Variants in EML6 observed in about 807,000 individuals in gnomAD.
EML6 encodes echinoderm microtubule-associated protein-like 6.
A neutral mutation model predicts 240.1 loss-of-function variants in EML6; 154 were observed. The observed-to-expected ratio is 0.64, with a 90% CI of 0.56 to 0.73. The LOEUF (loss-of-function observed/expected upper bound fraction) is 0.73. EML6 is among the 30% of genes least tolerant of loss of function. The pLI is 0.00. For missense variants in EML6, 2,964 were observed against 2,474.6 expected, an observed-to-expected ratio of 1.20 and a Z score of -4.20; for synonymous variants, 1,148 against 899.0, an observed-to-expected ratio of 1.28 and a Z score of -4.95.
At chr2:54,868,120 TTGA>T (rs1293032792) in intron 14 of EML6, 1 of 152,238 alleles carries the variant, frequency 6.6e-6, no homozygotes, top group African/African-American at 2.4e-5. Context: ...TGATTACATG[TTGA>T]TATAGTAATA....
chr2:54,866,985 G>T, intron 14 of EML6, 101 bp downstream of exon 14: 5 of 635,916 alleles, frequency 7.9e-6, no homozygotes, highest in South Asian at 6.2e-5. Context: ...CCTCAGTGTC[G>T]TCCTCCTCCT....
At chr2:54,819,724 G>A (rs930344696) in intron 4 of EML6, among the ~76,000 whole-genome samples, 6 of 96,014 alleles carry the variant, frequency 6.2e-5, no homozygotes, top group East Asian at 2.2e-4. Context: ...GCAGTGAGCC[G>A]AGATCACGCC....
intron 17 of EML6, 42 bp downstream of exon 17, chr2:54,879,682 C>T (rs1379534826): frequency 1.2e-5 from 14 of 1,153,718 alleles, no homozygotes; most frequent in Non-Finnish European, 1.7e-5. Flanking sequence ...GCTGATACCA[C>T]GGTTCAGTAA....
rs1668943824 is a variant in EML6 at position 54,783,489 on chromosome 2, A to G, written c.198-29743A>G. ...CTTTTCATATCTGGAACAAAGCTGTAGTTGATTTTAGATTTAAGGAAGTGA... is the reference window on the plus strand; with the variant it reads ...CTTTTCATATCTGGAACAAAGCTGTGGTTGATTTTAGATTTAAGGAAGTGA... On this transcript the variant is annotated intron_variant, in intron 2 of 41. Coordinates refer to ENST00000356458, the MANE Select transcript of EML6 (RefSeq NM_001039753.4). Among the ~76,000 whole-genome samples the G allele has an allele frequency of 2.0e-5, 3 of 152,198 alleles. No homozygotes were observed. The South Asian group carries it at 6.2e-4, about 32-fold the overall frequency.
At chr2:54,794,296 G>C (rs1669634317) in intron 2 of EML6, among the ~76,000 whole-genome samples, 1 of 152,076 alleles carries the variant, frequency 6.6e-6, no homozygotes, top group African/African-American at 2.4e-5. Flanking sequence ...TGTTAATGTA[G>C]GTCACTCAGA....
chr2:54,750,472 C>G (rs1247265781), intron 2 of EML6, among the ~76,000 whole-genome samples: 1 of 152,112 alleles, frequency 6.6e-6, no homozygotes, highest in African/African-American at 2.4e-5. Context: ...TCAAATTGGC[C>G]TAAGGAAACA....
intron 2 of EML6, among the ~76,000 whole-genome samples, chr2:54,762,060 G>A (rs929262425): frequency 6.6e-6 from 1 of 151,698 alleles, no homozygotes; most frequent in Non-Finnish European, 1.5e-5. Flanking sequence ...TTGCCTTTAG[G>A]GCAATTTTTT....
chr2:54,803,050 A>G (rs1212711656), intron 2 of EML6, among the ~76,000 whole-genome samples: 1 of 152,052 alleles, frequency 6.6e-6, no homozygotes, highest in Non-Finnish European at 1.5e-5. Context: ...CCAAACACCA[A>G]CTTGCTGGAT....
intron 39 of EML6, 59 bp from the exon 40 acceptor site, chr2:54,968,069 C>T: frequency 6.6e-7 from 1 of 1,504,164 alleles, no homozygotes; most frequent in Non-Finnish European, 9.0e-7. Flanking sequence ...TGATGACTGA[C>T]TGCAAGGAGC....
intron 16 of EML6, among the ~76,000 whole-genome samples, chr2:54,875,931 T>C (rs1057042140): frequency 6.6e-6 from 1 of 152,222 alleles, no homozygotes; most frequent in Non-Finnish European, 1.5e-5. Context: ...TAAGGGCACA[T>C]CTAAGACTTG....
intron 2 of EML6, among the ~76,000 whole-genome samples, chr2:54,749,625 AT>A (rs1279599699): frequency 3.9e-5 from 6 of 152,236 alleles, no homozygotes; most frequent in Admixed American, 3.9e-4. Flanking sequence ...TTTTGCATAC[AT>A]TACCTTATTT....
At chr2:54,922,925 G>C (rs896636375) in intron 26 of EML6, among the ~76,000 whole-genome samples, 1 of 147,726 alleles carries the variant, frequency 6.8e-6, no homozygotes. Flanking sequence ...TTGGTCAAAG[G>C]GTATAAACTT....
At chr2:54,789,532 A>G (rs990004904) in intron 2 of EML6, among the ~76,000 whole-genome samples, 29 of 143,420 alleles carry the variant, frequency 2.0e-4, no homozygotes, top group Admixed American at 6.7e-4. Context: ...AAAAAAAAAA[A>G]AAAAAAAAAA....
chr2:54,838,483 C>T (rs1326181357), intron 7 of EML6, among the ~76,000 whole-genome samples: 2 of 152,124 alleles, frequency 1.3e-5, no homozygotes, highest in Admixed American at 6.5e-5. Context: ...TATATAAATC[C>T]AGTTCATATA....
chr2:54,804,207 A>G lies in EML6; in HGVS notation c.198-9025A>G, dbSNP rs572739175. 5.3e-5 allele frequency among the ~76,000 whole-genome samples: 8 copies of G among 152,368 alleles called. No individual in the cohort carries two copies. In the South Asian group the frequency reaches 1.2e-3, roughly 24 times the overall value. On this transcript the variant is annotated intron_variant, in intron 2 of 41. Coordinates refer to ENST00000356458, the MANE Select transcript of EML6 (RefSeq NM_001039753.4). ...AGATGGATTCATTAATGACTTCTCT[A>G]AAGTATTTAATCAGACATTACTGAA... is the stretch of plus-strand genomic sequence containing the variant.
chr2:54,959,228 A>G lies in EML6; in HGVS notation c.4820A>G (p.Asp1607Gly). Residue 1607 changes from aspartate (D) to glycine (G), a missense_variant, in exon 34 of 42, where the codon GAT becomes GGT. Asp to Gly is a moderately conservative substitution (Grantham distance 94, BLOSUM62 -1). Transcript: ENST00000356458. ...PVFTMYTTLRDGLIVTGGKER... is the reference protein window; with the variant it reads ...PVFTMYTTLRGGLIVTGGKER... ...TTCACAATGTACACAACCCTTCGGG[A>G]TGGACTCATAGTGACCGGCGGAAAA... 2 of 1,550,238 alleles carry G rather than the reference A, an allele frequency of 1.3e-6. No individual in the cohort carries two copies. Among genetic ancestry groups the G allele is most frequent in the Non-Finnish European group, 8.7e-7 (1 of 1,146,374 alleles).
At chr2:54,760,558 T>C (rs1667931415) in intron 2 of EML6, among the ~76,000 whole-genome samples, 1 of 152,170 alleles carries the variant, frequency 6.6e-6, no homozygotes, top group African/African-American at 2.4e-5. Flanking sequence ...AGAATTGCAG[T>C]ACCTAGAGGC....
At chr2:54,908,903 G>C (rs531322747) in intron 24 of EML6, among the ~76,000 whole-genome samples, 4 of 152,156 alleles carry the variant, frequency 2.6e-5, no homozygotes, top group African/African-American at 9.7e-5. Context: ...GGCAGTTCTC[G>C]GGGAAGGGGC....
chr2:54,803,219 T>C (rs1306310748), intron 2 of EML6, among the ~76,000 whole-genome samples: 1 of 152,192 alleles, frequency 6.6e-6, no homozygotes, highest in Non-Finnish European at 1.5e-5. Flanking sequence ...GTGGTGTCTG[T>C]AGTTTCTGTA....
Sources: gnomAD v4.1 joint callset for allele counts (sites outside exome capture counted in the v4.1 genomes callset) on GRCh38, gnomAD v4.1.1 for gene constraint, MANE v1.5 for transcripts, NCBI Gene and HGNC (gene_info 2026-07-23, HGNC 2026-07-21) for gene names.